Variants in DBF4 observed in about 807,000 individuals in gnomAD.
DBF4 encodes DBF4-CDC7 kinase regulatory subunit.
DBF4 carries 25 observed loss-of-function variants against 76.6 expected under a neutral mutation model. That is an observed-to-expected ratio of 0.33 (90% CI 0.24 to 0.46). DBF4 has a LOEUF of 0.46. DBF4 is among the 20% of genes least tolerant of loss of function. The pLI is 1.00. For missense variants in DBF4, 638 were observed against 760.8 expected (o/e 0.84, Z 1.90); for synonymous variants, 213 against 258.0 (o/e 0.83, Z 1.67).
chr7:87,879,943 C>A (rs1272988073), intron 2 of DBF4, among the ~76,000 whole-genome samples: 1 of 146,650 alleles, frequency 6.8e-6, no homozygotes, highest in African/African-American at 2.6e-5. Context: ...ACAGTGAGAC[C>A]CTATGTCCAA....
intron 2 of DBF4, among the ~76,000 whole-genome samples, chr7:87,881,394 G>A (rs1450777319): frequency 3.3e-5 from 5 of 152,208 alleles, no homozygotes; most frequent in South Asian, 2.1e-4. Flanking sequence ...GCAACAGAGC[G>A]AGACTGTGTC....
chr7:87,878,057 A>T lies in DBF4; in HGVS notation c.51A>T (p.Gly17=). 1 of 1,597,794 alleles carries T rather than the reference A, an allele frequency of 6.3e-7. No homozygotes were observed. Among genetic ancestry groups the T allele is most frequent in the Non-Finnish European group, 8.5e-7 (1 of 1,174,564 alleles). ...GATTCTAAACATCTTTAATAGGTGG[A>T]ATCCAAGTCAAAAATGAAAAAAACA... The part of the protein sequence containing the change: ...RIHSKGHFQG[G]IQVKNEKNRP... The change falls in exon 2 of 12, where the codon GGA becomes GGT. Residue 17 remains glycine (G), a synonymous_variant. Coordinates refer to ENST00000265728, the MANE Select transcript of DBF4 (RefSeq NM_006716.4).
At position 87,900,308 on chromosome 7, in the gene DBF4, C is replaced by T; in HGVS notation, c.768C>T (p.Asp256=). 1.1e-5 allele frequency: 18 copies of T among 1,601,004 alleles called. No homozygotes were observed. Among genetic ancestry groups the T allele is most frequent in the Non-Finnish European group, 1.4e-5 (17 of 1,176,628 alleles). Residue 256 remains aspartate, a synonymous_variant, in exon 9 of 12, where the codon GAC becomes GAT. Coordinates refer to ENST00000265728, the MANE Select transcript of DBF4 (RefSeq NM_006716.4). ...AGCCCTGCAGTCCATTTGATGTAGACAAGCCATCTAGTATGCAAAAGCAAA... is the reference window on the plus strand; with the variant it reads ...AGCCCTGCAGTCCATTTGATGTAGATAAGCCATCTAGTATGCAAAAGCAAA... ...IQKPCSPFDV[D]KPSSMQKQTQ... is the part of the protein sequence containing the mutation.
At chr7:87,882,690 A>C (rs1297442504) in intron 2 of DBF4, among the ~76,000 whole-genome samples, 1 of 152,222 alleles carries the variant, frequency 6.6e-6, no homozygotes, top group Non-Finnish European at 1.5e-5. Flanking sequence ...GAAAAGATAT[A>C]CTAATGGCAG....
At chr7:87,876,830 T>G (rs1228489712) in intron 1 of DBF4, 52 bp downstream of exon 1, 1 of 1,595,092 alleles carries the variant, frequency 6.3e-7, no homozygotes, top group Admixed American at 1.7e-5. Flanking sequence ...CCTCCCCTCG[T>G]GGTTCCACCA....
chr7:87,882,729 A>G (rs546402522), intron 2 of DBF4, among the ~76,000 whole-genome samples: 2 of 152,332 alleles, frequency 1.3e-5, no homozygotes, highest in South Asian at 2.1e-4. Context: ...GTTCAACGTC[A>G]CTAATCATTA....
At chr7:87,879,861 G>T (rs1229868626) in intron 2 of DBF4, among the ~76,000 whole-genome samples, 2 of 151,634 alleles carry the variant, frequency 1.3e-5, no homozygotes, top group Admixed American at 1.3e-4. Flanking sequence ...GCCGAGGCAT[G>T]AGCATCACTT....
intron 6 of DBF4, among the ~76,000 whole-genome samples, chr7:87,890,946 G>A (rs113181589): frequency 6.6e-6 from 1 of 152,020 alleles, no homozygotes; most frequent in African/African-American, 2.4e-5. Flanking sequence ...TTTTATTTTG[G>A]TATATAAGAA....
chr7:87,905,759 T>G (rs1034728636), intron 11 of DBF4, among the ~76,000 whole-genome samples: 1 of 152,174 alleles, frequency 6.6e-6, no homozygotes, highest in Non-Finnish European at 1.5e-5. Flanking sequence ...TTTTTTTACT[T>G]CAGGTAAAAC....
rs532312203 is a variant in DBF4 at position 87,891,611 on chromosome 7, G to A, written c.597+3552G>A. On this transcript the variant is annotated intron_variant, in intron 6 of 11. Coordinates refer to ENST00000265728, the MANE Select transcript of DBF4 (RefSeq NM_006716.4). The stretch of plus-strand genomic sequence containing the variant: ...CTTATTAACTTTGTAATGTCTATGG[G>A]AACTGTAATAATGTCCCCTCTTCCA... 7.2e-5 allele frequency among the ~76,000 whole-genome samples: 11 copies of A among 152,188 alleles called. No individual in the cohort carries two copies. The South Asian group carries it at 2.3e-3, about 32-fold the overall frequency.
chr7:87,898,666 C>T (rs544509826), intron 8 of DBF4, among the ~76,000 whole-genome samples: 172 of 151,960 alleles, frequency 1.1e-3, no homozygotes, highest in Non-Finnish European at 2.3e-3. Flanking sequence ...TGGCGGGCAC[C>T]TGTAGTCCCA....
rs571773698 is a variant in DBF4, at chr7:87,876,986, A to G, written c.46+208A>G. On this transcript the variant is annotated intron_variant, in intron 1 of 11. Transcript: ENST00000265728. ...GCCCCTCGAGCGCTCTGCCGTTTAC[A>G]GCGGCGGTCCCAGATTGATTCCCGG... Among the ~76,000 whole-genome samples the G allele has an allele frequency of 2.6e-5, 4 of 152,300 alleles. No homozygotes were observed. In the East Asian group the frequency reaches 7.7e-4, roughly 29 times the overall value.
chr7:87,884,796 C>G (rs1839302835), intron 2 of DBF4, among the ~76,000 whole-genome samples, 183 bp from the exon 3 acceptor site: 1 of 152,052 alleles, frequency 6.6e-6, no homozygotes, highest in Admixed American at 6.6e-5. Context: ...GTTGAAAATA[C>G]CTTGGTGGCA....
intron 1 of DBF4, 136 bp from the exon 2 acceptor site, chr7:87,877,917 A>G (rs1839110082): frequency 1.4e-6 from 1 of 735,736 alleles, no homozygotes; most frequent in African/African-American, 1.8e-5. Flanking sequence ...AGTACTACAA[A>G]GAAATACATT....
At chr7:87,905,552 C>T (rs1461583615) in intron 11 of DBF4, among the ~76,000 whole-genome samples, 1 of 152,144 alleles carries the variant, frequency 6.6e-6, no homozygotes, top group Admixed American at 6.5e-5. Context: ...GCTCAATGTA[C>T]ACCAACTGCA....
chr7:87,888,378 G>A (rs967403312), intron 6 of DBF4: 3 of 918,048 alleles, frequency 3.3e-6, no homozygotes, highest in Non-Finnish European at 3.9e-6. Context: ...TGTAAGTAAT[G>A]TACTTCTTTT....
At chr7:87,903,137 C>T (rs1562766523) in intron 10 of DBF4, among the ~76,000 whole-genome samples, 1 of 152,180 alleles carries the variant, frequency 6.6e-6, no homozygotes, top group East Asian at 1.9e-4. Flanking sequence ...GGCTGGAGTG[C>T]AGTGGTGCAA....
intron 6 of DBF4, among the ~76,000 whole-genome samples, chr7:87,893,992 C>G (rs952067764): frequency 6.6e-6 from 1 of 152,088 alleles, no homozygotes; most frequent in Non-Finnish European, 1.5e-5. Flanking sequence ...ACATGTGTGA[C>G]CTTTCGCAAT....
At chr7:87,887,503 T>A in intron 5 of DBF4, 105 bp downstream of exon 5, 1 of 1,274,406 alleles carries the variant, frequency 7.8e-7, no homozygotes, top group Non-Finnish European at 1.1e-6. Context: ...AGGGATGTCT[T>A]AATCTGTTTC....
Sources: gnomAD v4.1 joint callset for allele counts (sites outside exome capture counted in the v4.1 genomes callset) on GRCh38, gnomAD v4.1.1 for gene constraint, MANE v1.5 for transcripts, NCBI Gene and HGNC (gene_info 2026-07-23, HGNC 2026-07-21) for gene names.